N4BP1: variants seen among roughly 807,000 people sequenced by gnomAD.
The protein encoded by N4BP1 is NEDD4 binding protein 1.
In N4BP1, 21 loss-of-function variants were observed where a neutral mutation model predicts 70.9. The ratio of observed to expected loss-of-function variants is 0.30; its 90% CI spans 0.21 to 0.43. The LOEUF (loss-of-function observed/expected upper bound fraction) is 0.43, where lower values mean the gene tolerates loss of function less well. N4BP1 is among the 20% of genes least tolerant of loss of function. The pLI, the probability that N4BP1 is intolerant of heterozygous loss-of-function variation, is 1.00. For synonymous variants in N4BP1, 387 were observed against 394.6 expected, an observed-to-expected ratio of 0.98 and a Z score of 0.23; for missense variants, 936 against 1,069.4, an observed-to-expected ratio of 0.88 and a Z score of 1.74.
chr16:48,564,938 G>GT (rs2151090570), intron 1 of N4BP1, among the ~76,000 whole-genome samples: 1 of 152,282 alleles, frequency 6.6e-6, no homozygotes, highest in Non-Finnish European at 1.5e-5. Flanking sequence ...GTACAGTGTT[G>GT]TACTTTAAAT....
chr16:48,560,064 C>T (rs972827542), intron 2 of N4BP1, among the ~76,000 whole-genome samples: 5 of 151,834 alleles, frequency 3.3e-5, no homozygotes. Flanking sequence ...GCTCTTGACC[C>T]TCACACTCTC....
chr16:48,549,360 G>A (rs1388751765), intron 4 of N4BP1, among the ~76,000 whole-genome samples: 1 of 152,176 alleles, frequency 6.6e-6, no homozygotes, highest in Admixed American at 6.5e-5. Context: ...ACAAAAATAG[G>A]CAGTAAGGCT....
Position 48,583,077 on chromosome 16 carries a change from C to T in N4BP1, c.199-20633G>A, listed in dbSNP as rs566080036. ...CTCTAGCCTGGGCGACAGAGTGAGG[C>T]CCTGTCTCAATAAATAAATAAATAA... On this transcript the variant is annotated intron_variant, in intron 1 of 6. Coordinates refer to ENST00000262384, the MANE Select transcript of N4BP1 (RefSeq NM_153029.4). 1.4e-4 allele frequency among the ~76,000 whole-genome samples: 22 copies of T among 152,110 alleles called. No individual in the cohort carries two copies. In the East Asian group the frequency reaches 4.2e-3, roughly 29 times the overall value.
intron 2 of N4BP1, among the ~76,000 whole-genome samples, chr16:48,555,352 C>T (rs370572508): frequency 4.6e-5 from 7 of 152,334 alleles, no homozygotes; most frequent in African/African-American, 9.6e-5. Flanking sequence ...GCCCTTTCCA[C>T]GACCCCACAG....
chr16:48,545,556 C>G (rs1963578285), intron 6 of N4BP1, among the ~76,000 whole-genome samples: 1 of 150,886 alleles, frequency 6.6e-6, no homozygotes, highest in South Asian at 2.1e-4. Flanking sequence ...CCAACCTGGG[C>G]AACAAGAGTG....
intron 2 of N4BP1, among the ~76,000 whole-genome samples, chr16:48,555,027 G>C (rs1054176302): frequency 9.9e-5 from 15 of 152,126 alleles, no homozygotes; most frequent in Admixed American, 4.6e-4. Context: ...CACCCCTCCC[G>C]GTCTCTGAGC....
In N4BP1 at chr16:48,546,128, A is replaced by C; in HGVS notation, c.2333+19T>G. 3 of 1,525,766 alleles carry C rather than the reference A, an allele frequency of 2.0e-6. No individual in the cohort carries two copies. Among genetic ancestry groups the C allele is most frequent in the Non-Finnish European group, 2.7e-6 (3 of 1,104,302 alleles). 94.5% of individuals were successfully genotyped at this position (1,525,766 alleles called of 1,614,324 possible). A position where few individuals can be genotyped will look rare whatever the true frequency, so the allele number is the denominator to read the frequency against. On this transcript the variant is annotated intron_variant, in intron 6 of 6. Transcript: ENST00000262384. ...TGAAATAGAAGTTTTAATACAAGACAATCTGAAAAAGGAAATACCTAAGAC... is the reference window on the plus strand; with the variant it reads ...TGAAATAGAAGTTTTAATACAAGACCATCTGAAAAAGGAAATACCTAAGAC...
chr16:48,604,608 A>C (rs200593777), intron 1 of N4BP1, among the ~76,000 whole-genome samples: 47 of 145,998 alleles, frequency 3.2e-4, no homozygotes, highest in East Asian at 2.5e-3. Context: ...AAGGTAAAAA[A>C]AAAAACAAAA....
intron 2 of N4BP1, among the ~76,000 whole-genome samples, chr16:48,559,158 G>C (rs944376954): frequency 6.6e-6 from 1 of 151,968 alleles, no homozygotes; most frequent in African/African-American, 2.4e-5. Context: ...GAACCCCTGG[G>C]AATTCATTAT....
At chr16:48,543,613 G>C (rs1963543363) in intron 6 of N4BP1, among the ~76,000 whole-genome samples, 1 of 152,206 alleles carries the variant, frequency 6.6e-6, no homozygotes, top group Non-Finnish European at 1.5e-5. Flanking sequence ...CTCTTCTGAA[G>C]ATTTTGATTT....
intron 1 of N4BP1, among the ~76,000 whole-genome samples, 172 bp from the exon 2 acceptor site, chr16:48,562,616 C>A (rs953051182): frequency 1.3e-5 from 2 of 152,122 alleles, no homozygotes; most frequent in African/African-American, 4.8e-5. Flanking sequence ...ACAGATATAA[C>A]TTGCTTAAAC....
chr16:48,549,817 T>C (rs562853046), intron 4 of N4BP1, among the ~76,000 whole-genome samples: 1 of 152,308 alleles, frequency 6.6e-6, no homozygotes, highest in South Asian at 2.1e-4. Flanking sequence ...TTGACTATCA[T>C]TCACTAGCTT....
rs71134556 is a variant in N4BP1, at chr16:48,552,699, GAAAAAAAAAAAAAAAAAAAAAA to G, written c.2020+818_2020+839del. On this transcript the variant is annotated intron_variant, in intron 3 of 6. Coordinates refer to ENST00000262384, the MANE Select transcript of N4BP1 (RefSeq NM_153029.4). ...AGCGACAGAGCGAGACTCCGTCTCA[GAAAAAAAAAAAAAAAAAAAAAA>G]AAAAAAAAAAAAAAAAAGACTCCTT... 8.1e-4 allele frequency among the ~76,000 whole-genome samples: 15 copies of G among 18,482 alleles called. 1 individual carries two copies. The highest frequency in any genetic ancestry group is 3.2e-3 in the South Asian group (1 of 310). 12.1% of individuals were successfully genotyped at this position (18,482 alleles called of 152,430 possible). A position where few individuals can be genotyped will look rare whatever the true frequency, so the allele number is the denominator to read the frequency against.
At chr16:48,563,656 A>G (rs1963895414) in intron 1 of N4BP1, among the ~76,000 whole-genome samples, 1 of 152,286 alleles carries the variant, frequency 6.6e-6, no homozygotes, top group Non-Finnish European at 1.5e-5. Flanking sequence ...TGGGATTACA[A>G]TTAGTTGCTA....
At chr16:48,559,795 C>G (rs1963826095) in intron 2 of N4BP1, 1 of 152,206 alleles carries the variant, frequency 6.6e-6, no homozygotes, top group Admixed American at 6.5e-5. Flanking sequence ...CTGAACCTCT[C>G]CTGGTTCAGG....
chr16:48,597,884 T>C (rs1374912065), intron 1 of N4BP1, among the ~76,000 whole-genome samples: 1 of 152,196 alleles, frequency 6.6e-6, no homozygotes, highest in Non-Finnish European at 1.5e-5. Context: ...TTCTGTATAA[T>C]GCTGCAAAAT....
intron 1 of N4BP1, among the ~76,000 whole-genome samples, chr16:48,572,164 A>G (rs910639056): frequency 2.0e-5 from 3 of 152,172 alleles, no homozygotes; most frequent in African/African-American, 7.2e-5. Context: ...GCACCACTGC[A>G]CCCCAGCCAA....
At chr16:48,594,919 T>C (rs908835014) in intron 1 of N4BP1, among the ~76,000 whole-genome samples, 15 of 152,142 alleles carry the variant, frequency 9.9e-5, no homozygotes, top group Admixed American at 7.2e-4. Context: ...CAGACAACTG[T>C]CTTGTTTTGA....
chr16:48,592,308 C>A (rs868135109), intron 1 of N4BP1, among the ~76,000 whole-genome samples: 4 of 152,170 alleles, frequency 2.6e-5, no homozygotes, highest in African/African-American at 9.7e-5. Flanking sequence ...AAGCATTGCA[C>A]CGTTTTCTCC....
Sources: allele counts gnomAD v4.1 joint callset (sites outside exome capture counted in the v4.1 genomes callset), GRCh38; gene constraint gnomAD v4.1.1; transcripts MANE v1.5; gene names NCBI Gene and HGNC (gene_info 2026-07-23, HGNC 2026-07-21).